Variants in KIF13A observed in about 807,000 individuals in gnomAD.
KIF13A encodes the protein kinesin-like protein KIF13A.
Under a neutral mutation model 212.2 loss-of-function variants are expected in KIF13A, and 79 were observed. The ratio of observed to expected loss-of-function variants is 0.37; its 90% CI spans 0.31 to 0.45. The LOEUF (loss-of-function observed/expected upper bound fraction) is 0.45. Among genes scored for constraint, KIF13A ranks in the 20% least tolerant of loss-of-function variants. The pLI, the probability that KIF13A is intolerant of heterozygous loss-of-function variation, is 1.00. For missense variants in KIF13A, 1,901 were observed against 2,209.0 expected, an observed-to-expected ratio of 0.86 and a Z score of 2.79; for synonymous variants, 789 against 808.6, an observed-to-expected ratio of 0.98 and a Z score of 0.41.
At position 17,900,292 on chromosome 6, in the gene KIF13A, G is replaced by A. The variant is rs545005530; in HGVS notation, c.147-2112C>T. On this transcript the variant is annotated intron_variant, in intron 2 of 38. Coordinates refer to ENST00000259711, the MANE Select transcript of KIF13A (RefSeq NM_022113.6). This position sits in a 1 kb window ranked among gnomAD's most constrained non-coding sequence, Gnocchi z 4.6. ...AGCAGCAATGAACCAGTGCTGGTTT[G>A]TAGTCAGTAGTACGTTCACCTTCTT... Among the ~76,000 whole-genome samples the A allele has an allele frequency of 2.8e-4, 42 of 152,266 alleles. No homozygotes were observed. The highest frequency in any genetic ancestry group is 9.8e-4 in the Admixed American group (15 of 15,300).
intron 2 of KIF13A, among the ~76,000 whole-genome samples, chr6:17,980,704 G>T (rs1014038627): frequency 6.6e-6 from 1 of 152,070 alleles, no homozygotes; most frequent in African/African-American, 2.4e-5. Context: ...AATCATTAAC[G>T]CCAGGCAAAA....
At position 17,764,787 on chromosome 6, in the gene KIF13A, C is replaced by A; in HGVS notation, c.4741G>T (p.Val1581Phe). The stretch of plus-strand genomic sequence containing the variant: ...CTACGGGACACTTCTTTCTCCAAGA[C>A]CCGTGAGTTTGACAGATCTACTTTA... Reference protein sequence around the residue: ...SSKVDLSNSRVLEKEVSRSPT... With the variant: ...SSKVDLSNSRFLEKEVSRSPT... The change falls in exon 39 of 39, where the codon GTC (valine) becomes TTC (phenylalanine). Residue 1581 changes from valine to phenylalanine, a missense_variant. Val to Phe is a conservative substitution (Grantham distance 50). Transcript: ENST00000259711. The surrounding 1 kb of genome is among the most constrained non-coding windows in gnomAD (Gnocchi z 5.1). The A allele has an allele frequency of 2.5e-6, 4 of 1,613,266 alleles. No individual in the cohort carries two copies. Among genetic ancestry groups the A allele is most frequent in the Non-Finnish European group, 3.4e-6 (4 of 1,179,590 alleles).
chr6:17,805,951 G>C (rs1762907477), intron 18 of KIF13A, among the ~76,000 whole-genome samples: 1 of 98,564 alleles, frequency 1.0e-5, no homozygotes, highest in Non-Finnish European at 2.0e-5. Flanking sequence ...ATAGGATCTT[G>C]CTCTATCATC....
intron 4 of KIF13A, among the ~76,000 whole-genome samples, chr6:17,868,304 A>G (rs1295906699): frequency 2.0e-5 from 3 of 152,206 alleles, no homozygotes; most frequent in Non-Finnish European, 4.4e-5. Flanking sequence ...ATCTACTAAC[A>G]TGGCACATTT....
At position 17,771,771 on chromosome 6, in the gene KIF13A, G is replaced by A; in HGVS notation, c.4476+137C>T. The A allele has an allele frequency of 2.8e-6, 2 of 721,498 alleles. No homozygotes were observed. Among genetic ancestry groups the A allele is most frequent in the East Asian group, 5.0e-5 (2 of 40,336 alleles). 44.7% of individuals were successfully genotyped at this position (721,498 alleles called of 1,614,324 possible). On this transcript the variant is annotated intron_variant, in intron 37 of 38. Coordinates refer to ENST00000259711, the MANE Select transcript of KIF13A (RefSeq NM_022113.6). The surrounding 1 kb of genome is among the most constrained non-coding windows in gnomAD (Gnocchi z 5.4). Reference sequence around the variant, plus strand: ...ATGACTCTGCATGCTTGAGAAAGAGGAATTCGAGAACGGGAACCATGGAGT... The same window carrying A: ...ATGACTCTGCATGCTTGAGAAAGAGAAATTCGAGAACGGGAACCATGGAGT...
intron 4 of KIF13A, among the ~76,000 whole-genome samples, chr6:17,859,620 T>TTATATATATATATATATA (rs1355192834): frequency 2.3e-5 from 3 of 131,550 alleles, no homozygotes; most frequent in Admixed American, 7.5e-5. Context: ...GCAATGTATT[T>TTATATATATATATATATA]TATATATATA....
intron 12 of KIF13A, 118 bp downstream of exon 12, chr6:17,833,843 G>T (rs1175339777): frequency 1.6e-5 from 8 of 504,312 alleles, no homozygotes; most frequent in Non-Finnish European, 2.6e-5. Flanking sequence ...GCGACAGAGT[G>T]AGACTCCGTC....
In KIF13A at chr6:17,777,396, T is replaced by TTC. The variant is rs1554162131; in HGVS notation, c.4093-43_4093-42insGA. Reference sequence around the variant, plus strand: ...TTGAAAATAACACTTTTTTTTTTTTTCCCCAGAGACAGAGTCTCACTCTGT... The same window carrying TTC: ...TTGAAAATAACACTTTTTTTTTTTTTTCCCCCAGAGACAGAGTCTCACTCTGT... On this transcript the variant is annotated intron_variant, in intron 33 of 38. Transcript: ENST00000259711. The surrounding 1 kb of genome is among the most constrained non-coding windows in gnomAD (Gnocchi z 4.4). 1.9e-5 allele frequency: 28 copies of TTC among 1,437,584 alleles called. No homozygotes were observed. Among genetic ancestry groups the TTC allele is most frequent in the African/African-American group, 2.8e-5 (2 of 71,246 alleles). The allele number at this position is 1,437,584 out of a possible 1,614,324, so 89.1% of individuals were successfully genotyped here.
rs577421968 is a variant in KIF13A at position 17,982,081 on chromosome 6, T to C, written c.146+4973A>G. ...TTGAATTTGGAATATATGCATTATATACTTACCAACTGAGCATTCTTTTTT... is the reference window on the plus strand; with the variant it reads ...TTGAATTTGGAATATATGCATTATACACTTACCAACTGAGCATTCTTTTTT... On this transcript the variant is annotated intron_variant, in intron 2 of 38. Coordinates refer to ENST00000259711, the MANE Select transcript of KIF13A (RefSeq NM_022113.6). The surrounding 1 kb of genome is among the most constrained non-coding windows in gnomAD (Gnocchi z 5.1). 6.6e-6 allele frequency among the ~76,000 whole-genome samples: 1 copy of C among 151,418 alleles called. No individual in the cohort carries two copies. Among genetic ancestry groups the C allele is most frequent in the Non-Finnish European group, 1.5e-5 (1 of 67,986 alleles).
At chr6:17,939,547 C>A (rs536478196) in intron 2 of KIF13A, among the ~76,000 whole-genome samples, 1 of 152,278 alleles carries the variant, frequency 6.6e-6, no homozygotes, top group South Asian at 2.1e-4. Context: ...CTGAGACCTA[C>A]TGGTCTGTAT....
Position 17,960,014 on chromosome 6 carries a change from C to T in KIF13A, c.146+27040G>A, listed in dbSNP as rs143057950. On this transcript the variant is annotated intron_variant, in intron 2 of 38. Coordinates refer to ENST00000259711, the MANE Select transcript of KIF13A (RefSeq NM_022113.6). ...TCAAGCCTGGGCAATAAGAGCAAAA[C>T]TCCACCTCAAAAAAAAAAAAACAAC... Among the ~76,000 whole-genome samples the T allele has an allele frequency of 7.0e-3, 1,057 of 151,144 alleles. 16 individuals are homozygous for T. The highest frequency in any genetic ancestry group is 0.025 in the African/African-American group (1,025 of 41,160).
At chr6:17,846,604 TAAAAA>T (rs11431431) in intron 9 of KIF13A, among the ~76,000 whole-genome samples, 39 of 127,002 alleles carry the variant, frequency 3.1e-4, no homozygotes, top group South Asian at 5.2e-4. Flanking sequence ...CCCATTTCTT[TAAAAA>T]AAAAAAAAAA....
Position 17,764,796 on chromosome 6 carries a change from T to C in KIF13A, c.4732A>G (p.Asn1578Asp), listed in dbSNP as rs1371309973. Reference sequence around the variant, plus strand: ...ACTTCTTTCTCCAAGACCCGTGAGTTTGACAGATCTACTTTAGAGGAAAAC... The same window carrying C: ...ACTTCTTTCTCCAAGACCCGTGAGTCTGACAGATCTACTTTAGAGGAAAAC... ...EWFSSKVDLS[N>D]SRVLEKEVSR... Residue 1578 changes from asparagine to aspartate, a missense_variant, in exon 39 of 39, where the codon AAC (asparagine) becomes GAC (aspartate). Coordinates refer to ENST00000259711, the MANE Select transcript of KIF13A (RefSeq NM_022113.6). The surrounding 1 kb of genome is among the most constrained non-coding windows in gnomAD (Gnocchi z 5.1). The C allele has an allele frequency of 1.2e-6, 2 of 1,613,410 alleles. No individual in the cohort carries two copies. Among genetic ancestry groups the C allele is most frequent in the Admixed American group, 1.7e-5 (1 of 59,896 alleles).
Position 17,809,129 on chromosome 6 carries a change from G to T in KIF13A, c.2001-199C>A, listed in dbSNP as rs992961285. Among the ~76,000 whole-genome samples the T allele has an allele frequency of 6.6e-5, 10 of 152,162 alleles. No homozygotes were observed. The highest frequency in any genetic ancestry group is 1.5e-4 in the Non-Finnish European group (10 of 68,026). On this transcript the variant is annotated intron_variant, in intron 17 of 38. Transcript: ENST00000259711. The surrounding 1 kb of genome is among the most constrained non-coding windows in gnomAD (Gnocchi z 4.7). ...GAGAACTACTGATGGGAAGCAAATTGTTGAGCAACTTAACTGAAAACCACG... is the reference window on the plus strand; with the variant it reads ...GAGAACTACTGATGGGAAGCAAATTTTTGAGCAACTTAACTGAAAACCACG...
chr6:17,833,014 CAA>C lies in KIF13A; in HGVS notation c.1266+945_1266+946del, dbSNP rs61281213. Among the ~76,000 whole-genome samples the C allele has an allele frequency of 8.6e-3, 646 of 75,280 alleles. 8 individuals carry two copies. The highest frequency in any genetic ancestry group is 0.032 in the African/African-American group (467 of 14,760). 49.4% of individuals were successfully genotyped at this position (75,280 alleles called of 152,430 possible). A position where few individuals can be genotyped will look rare whatever the true frequency, so the allele number is the denominator to read the frequency against. On this transcript the variant is annotated intron_variant, in intron 12 of 38. Coordinates refer to ENST00000259711, the MANE Select transcript of KIF13A (RefSeq NM_022113.6). Reference sequence around the variant, plus strand: ...GGGCGACAGAGAGAGACTCTGTCTGCAAAAAAAAAAAAAAAAAAAAAAAAAAA... The same window carrying C: ...GGGCGACAGAGAGAGACTCTGTCTGCAAAAAAAAAAAAAAAAAAAAAAAAA...
In KIF13A at chr6:17,805,466, C is replaced by A; in HGVS notation, c.2304+9G>T. 1 of 1,611,710 alleles carries A rather than the reference C, an allele frequency of 6.2e-7. No homozygotes were observed. The highest frequency in any genetic ancestry group is 8.5e-7 in the Non-Finnish European group (1 of 1,179,010). On this transcript the variant is annotated intron_variant, in intron 19 of 38. Transcript: ENST00000259711. ...TAACAAAATCTCCATTACATTTTGT[C>A]TCTTTTACCTCAGGAACTTTTTCCT...
chr6:17,787,721 C>T lies in KIF13A; in HGVS notation c.3361+55G>A, dbSNP rs762173178. ...GTTAGGGGAAGAAAACGACCTACTG[C>T]CATTGTGTAAAAGTGAAAAAGCTAC... is the stretch of plus-strand genomic sequence containing the variant. On this transcript the variant is annotated intron_variant, in intron 27 of 38. Coordinates refer to ENST00000259711, the MANE Select transcript of KIF13A (RefSeq NM_022113.6). This position sits in a 1 kb window ranked among gnomAD's most constrained non-coding sequence, Gnocchi z 4.6. The T allele has an allele frequency of 9.7e-5, 95 of 981,150 alleles. No homozygotes were observed. The highest frequency in any genetic ancestry group is 1.4e-4 in the Non-Finnish European group (86 of 606,306). 60.8% of individuals were successfully genotyped at this position (981,150 alleles called of 1,614,324 possible). A position where few individuals can be genotyped will look rare whatever the true frequency, so the allele number is the denominator to read the frequency against.
In KIF13A at chr6:17,794,719, T is replaced by G; in HGVS notation, c.2943-15A>C. 3 of 1,602,362 alleles carry G rather than the reference T, an allele frequency of 1.9e-6. No individual in the cohort carries two copies. Among genetic ancestry groups the G allele is most frequent in the Non-Finnish European group, 2.5e-6 (3 of 1,177,114 alleles). On this transcript the variant is annotated splice_polypyrimidine_tract_variant and intron_variant, in intron 23 of 38. Transcript: ENST00000259711. The surrounding 1 kb of genome is among the most constrained non-coding windows in gnomAD (Gnocchi z 4.1). ...CTTCATTCCACCTGCAGAAACACAT[T>G]CCAACAAGCAAGAGCGTCATCGTCC...
chr6:17,765,078 A>G (rs1199417042), intron 38 of KIF13A, 132 bp from the exon 39 acceptor site: 1 of 706,580 alleles, frequency 1.4e-6, no homozygotes. Flanking sequence ...TGTCTTTCCA[A>G]ATTTGGCCAG....
Sources: gnomAD v4.1 joint callset for allele counts (sites outside exome capture counted in the v4.1 genomes callset) on GRCh38, gnomAD v4.1.1 for gene constraint, Gnocchi (gnomAD v3.1) non-coding constraint, MANE v1.5 for transcripts, NCBI Gene and HGNC (gene_info 2026-07-23, HGNC 2026-07-21) for gene names.